Variants in PVT1 observed in about 807,000 individuals in gnomAD.
PVT1 encodes Pvt1 oncogene, also known as CXCR4/PVT1 fusion.
intron 3 of PVT1, among the ~76,000 whole-genome samples, chr8:127,987,359 T>C (rs374816986): frequency 6.6e-6 from 1 of 152,190 alleles, no homozygotes; most frequent in Non-Finnish European, 1.5e-5. Flanking sequence ...CTGAGAACCT[T>C]TGATGGAAGC....
At chr8:127,879,532 TAAACA>T (rs551926457) in intron 2 of PVT1, among the ~76,000 whole-genome samples, 1 of 151,870 alleles carries the variant, frequency 6.6e-6, no homozygotes, top group Non-Finnish European at 1.5e-5. Flanking sequence ...CTATCTCAAT[TAAACA>T]AAACAAAACA....
At chr8:128,051,308 G>T (rs1194506741) in intron 4 of PVT1, among the ~76,000 whole-genome samples, 1 of 152,208 alleles carries the variant, frequency 6.6e-6, no homozygotes, top group African/African-American at 2.4e-5. Context: ...GCTGACTGGG[G>T]ACTGGGGGAA....
chr8:127,856,561 G>A (rs1461654471), intron 2 of PVT1, among the ~76,000 whole-genome samples: 2 of 151,872 alleles, frequency 1.3e-5, no homozygotes, highest in Non-Finnish European at 1.5e-5. Flanking sequence ...GGCTGGTCTC[G>A]AACTCCCGAC....
chr8:128,055,435 A>G (rs1237635988), intron 4 of PVT1, among the ~76,000 whole-genome samples: 4 of 152,210 alleles, frequency 2.6e-5, no homozygotes, highest in Non-Finnish European at 4.4e-5. Context: ...ATTAATGCCA[A>G]TAAACACTAA....
At chr8:127,838,941 G>T (rs1330905052) in intron 2 of PVT1, among the ~76,000 whole-genome samples, 1 of 152,052 alleles carries the variant, frequency 6.6e-6, no homozygotes, top group Non-Finnish European at 1.5e-5. Context: ...GTTTAGATAT[G>T]ATTAGATACA....
At chr8:128,017,503 C>G (rs1380094111) in intron 4 of PVT1, among the ~76,000 whole-genome samples, 1 of 152,052 alleles carries the variant, frequency 6.6e-6, no homozygotes, top group African/African-American at 2.4e-5. Flanking sequence ...GTGCAGTGAG[C>G]TCACTGCAGC....
intron 4 of PVT1, among the ~76,000 whole-genome samples, chr8:128,014,823 G>T (rs1192149608): frequency 6.6e-6 from 1 of 152,156 alleles, no homozygotes; most frequent in Non-Finnish European, 1.5e-5. Context: ...CTTATTTCTG[G>T]AGTGCTTTGT....
intron 5 of PVT1, among the ~76,000 whole-genome samples, chr8:128,072,911 G>A (rs1277007845): frequency 2.0e-5 from 3 of 151,950 alleles, no homozygotes; most frequent in African/African-American, 4.8e-5. Flanking sequence ...TCAACTCACT[G>A]CAACCTCCAC....
At position 127,853,268 on chromosome 8, in the gene PVT1, C is replaced by T. The variant is rs536702688; in HGVS notation, n.373-37321C>T. On this transcript the variant is annotated intron_variant and non_coding_transcript_variant, in intron 2 of 10. Coordinates refer to ENST00000651587, the Ensembl canonical transcript of PVT1. ...GGAAGGCTTCCTGGAAGAGGTGGAA[C>T]GTGAGCAGCATAGGATTTTGAGAGA... 1.3e-3 allele frequency among the ~76,000 whole-genome samples: 198 copies of T among 152,200 alleles called. 1 individual carries two copies. Among genetic ancestry groups the T allele is most frequent in the African/African-American group, 4.4e-3 (184 of 41,532 alleles).
At chr8:127,938,225 G>T (rs958039374) in intron 3 of PVT1, among the ~76,000 whole-genome samples, 13 of 152,180 alleles carry the variant, frequency 8.5e-5, no homozygotes, top group African/African-American at 3.1e-4. Context: ...ACAAAGAGGC[G>T]ACAAGCCCTG....
intron 2 of PVT1, among the ~76,000 whole-genome samples, chr8:127,807,461 G>C (rs1814540697): frequency 6.6e-6 from 1 of 152,096 alleles, no homozygotes; most frequent in Non-Finnish European, 1.5e-5. Context: ...AGCCTCCGGA[G>C]TAGCTGGGAC....
chr8:127,841,700 C>T (rs367720659), intron 2 of PVT1, among the ~76,000 whole-genome samples: 1 of 151,912 alleles, frequency 6.6e-6, no homozygotes, highest in African/African-American at 2.4e-5. Context: ...TGTGCCTCAT[C>T]ATCTGACCCA....
intron 4 of PVT1, among the ~76,000 whole-genome samples, chr8:128,069,003 C>A (rs1296133035): frequency 6.6e-6 from 1 of 152,196 alleles, no homozygotes; most frequent in African/African-American, 2.4e-5. Flanking sequence ...CAGCCTATTG[C>A]ACTTCAGGGC....
At position 127,872,475 on chromosome 8, in the gene PVT1, T is replaced by C. The variant is rs1260084552; in HGVS notation, n.373-18114T>C. On this transcript the variant is annotated intron_variant and non_coding_transcript_variant, in intron 2 of 10. Transcript: ENST00000651587. ...GTTCGTAACACAAAGAAAGGGTAAA[T>C]GTTTGAGGTGATGGATGCCCCATTT... is the stretch of plus-strand genomic sequence containing the variant. Among the ~76,000 whole-genome samples, 3 of 152,276 alleles carry C rather than the reference T, an allele frequency of 2.0e-5. No individual in the cohort carries two copies. In the East Asian group the frequency reaches 5.8e-4, roughly 29 times the overall value.
intron 4 of PVT1, among the ~76,000 whole-genome samples, chr8:128,061,401 T>C (rs1486583434): frequency 1.3e-5 from 2 of 152,224 alleles, no homozygotes; most frequent in Admixed American, 1.3e-4. Context: ...CATTCATTAG[T>C]TGATGGACAC....
chr8:127,863,598 C>T (rs977603092), intron 2 of PVT1, among the ~76,000 whole-genome samples: 1 of 152,198 alleles, frequency 6.6e-6, no homozygotes, highest in Non-Finnish European at 1.5e-5. Flanking sequence ...CTTTGTTGCA[C>T]CAATTGCAAT....
rs140370365 is a variant in PVT1, at chr8:127,877,792, G to GGCTC, written n.373-12794_373-12791dup. The stretch of plus-strand genomic sequence containing the variant: ...AATACAAAAATTAGCAGGGCATGGT[G>GGCTC]GCTCGCACCCGTAGTCCCAGCTACT... On this transcript the variant is annotated intron_variant and non_coding_transcript_variant, in intron 2 of 10. Coordinates refer to ENST00000651587, the Ensembl canonical transcript of PVT1. 5.0e-3 allele frequency among the ~76,000 whole-genome samples: 764 copies of GGCTC among 152,174 alleles called. 12 individuals are homozygous for GGCTC. The highest frequency in any genetic ancestry group is 0.017 in the African/African-American group (715 of 41,502).
chr8:127,944,222 G>C (rs1816389719), intron 3 of PVT1, among the ~76,000 whole-genome samples: 1 of 152,100 alleles, frequency 6.6e-6, no homozygotes, highest in Non-Finnish European at 1.5e-5. Flanking sequence ...CAAAGTGCTA[G>C]TATTATAGGC....
chr8:127,875,392 C>T (rs1454470333), intron 2 of PVT1, among the ~76,000 whole-genome samples: 2 of 151,930 alleles, frequency 1.3e-5, no homozygotes, highest in Non-Finnish European at 2.9e-5. Flanking sequence ...TCTTCTTTCT[C>T]CCTCTCCCTT....
Sources: allele counts gnomAD v4.1 joint callset (sites outside exome capture counted in the v4.1 genomes callset), GRCh38; gene constraint gnomAD v4.1.1; transcripts MANE v1.5; gene names NCBI Gene and HGNC (gene_info 2026-07-23, HGNC 2026-07-21).